The following RBFOX1 variants were observed in gnomAD, a reference collection of about 807,000 sequenced individuals.
The protein encoded by RBFOX1 is RNA binding protein fox-1 homolog 1.
RBFOX1 carries 8 observed loss-of-function variants against 57.7 expected under a neutral mutation model. The ratio of observed to expected loss-of-function variants is 0.14; its 90% confidence interval spans 0.08 to 0.25. The LOEUF is 0.25. RBFOX1 is among the 10% of genes least tolerant of loss of function. The pLI is 1.00. For missense variants in RBFOX1, 611 were observed against 548.5 expected, an observed-to-expected ratio of 1.11 and a Z score of -1.14; for synonymous variants, 326 against 222.4, an observed-to-expected ratio of 1.47 and a Z score of -4.15.
Position 6,019,086 on chromosome 16 carries a change from GACACACACGC to G in RBFOX1, c.-1024_-1015del. On this transcript the variant is annotated 5_prime_UTR_variant, in exon 1 of 16. Coordinates refer to ENST00000550418, the MANE Select transcript of RBFOX1 (RefSeq NM_018723.4). This position sits in a 1 kb window ranked among gnomAD's most constrained non-coding sequence, Gnocchi z 4.2. ...CTTGTCGCGCGCTCACACACACACA[GACACACACGC>G]ACACACACACATGCACACATTTTCT... 1.0e-6 allele frequency: 1 copy of G among 983,818 alleles called. No individual in the cohort carries two copies. The highest frequency in any genetic ancestry group is 1.2e-6 in the Non-Finnish European group (1 of 829,244). 60.9% of individuals were successfully genotyped at this position (983,818 alleles called of 1,614,324 possible). A position where few individuals can be genotyped will look rare whatever the true frequency, so the allele number is the denominator to read the frequency against.
At chr16:6,855,389 C>A (rs71374913) in intron 3 of RBFOX1, among the ~76,000 whole-genome samples, 32,766 of 151,962 alleles carry the variant, frequency 0.22, 3,674 homozygotes, top group East Asian at 0.29. Context: ...CAGTGGCTCA[C>A]GCCTGTAATC....
At chr16:5,656,313 C>G (rs181637809) in intron 3 of RBFOX1, among the ~76,000 whole-genome samples, 10 of 152,222 alleles carry the variant, frequency 6.6e-5, no homozygotes, top group African/African-American at 2.2e-4. Flanking sequence ...AGTGCAGAGG[C>G]GAGCATATCA....
chr16:7,659,868 C>T (rs1449872289), intron 12 of RBFOX1, among the ~76,000 whole-genome samples: 6 of 152,112 alleles, frequency 3.9e-5, no homozygotes, highest in African/African-American at 1.4e-4. Context: ...AAGACATTTT[C>T]ACAGATGCCT....
At chr16:6,972,816 T>A (rs181215948) in intron 3 of RBFOX1, among the ~76,000 whole-genome samples, 11 of 152,164 alleles carry the variant, frequency 7.2e-5, no homozygotes, top group Admixed American at 6.6e-4. Flanking sequence ...AAATTCATAT[T>A]TTTTTCAATA....
intron 2 of RBFOX1, among the ~76,000 whole-genome samples, chr16:6,539,150 G>GGTA (rs1555533576): frequency 1.1e-4 from 16 of 151,798 alleles, no homozygotes; most frequent in Admixed American, 5.9e-4. Flanking sequence ...ATTTGCCCAT[G>GGTA]GTATGACTGT....
intron 3 of RBFOX1, among the ~76,000 whole-genome samples, chr16:7,027,078 A>G (rs2041182391): frequency 6.6e-6 from 1 of 152,106 alleles, no homozygotes; most frequent in African/African-American, 2.4e-5. Context: ...GTCTGGTAGG[A>G]GAGGGGAGGC....
chr16:5,291,288 A>C (rs1596412747), intron 1 of RBFOX1, among the ~76,000 whole-genome samples: 1 of 104,132 alleles, frequency 9.6e-6, no homozygotes, highest in South Asian at 3.2e-4. Context: ...TTTGAGACGG[A>C]GTCTCACTCT....
At chr16:7,210,390 C>G (rs1298838894) in intron 4 of RBFOX1, among the ~76,000 whole-genome samples, 2 of 152,138 alleles carry the variant, frequency 1.3e-5, no homozygotes, top group East Asian at 1.9e-4. Context: ...CGGTGTGGTC[C>G]TTCCTCACAG....
intron 5 of RBFOX1, among the ~76,000 whole-genome samples, chr16:7,540,866 C>G (rs1269290124): frequency 1.3e-5 from 2 of 152,162 alleles, no homozygotes; most frequent in African/African-American, 2.4e-5. Flanking sequence ...TCCTTAAACC[C>G]TAAACTCCTC....
At chr16:7,683,841 TA>T (rs5815422) in intron 14 of RBFOX1, among the ~76,000 whole-genome samples, 8 of 151,090 alleles carry the variant, frequency 5.3e-5, no homozygotes, top group Non-Finnish European at 8.9e-5. Context: ...TTTCTATTGC[TA>T]AAAAAAAACC....
intron 3 of RBFOX1, among the ~76,000 whole-genome samples, chr16:7,030,514 C>A (rs2042514661): frequency 6.6e-6 from 1 of 152,146 alleles, no homozygotes; most frequent in African/African-American, 2.4e-5. Context: ...TCCAGGCGTT[C>A]CTTGGTTTGT....
chr16:5,859,026 G>A (rs990870892), intron 3 of RBFOX1, among the ~76,000 whole-genome samples: 9 of 152,178 alleles, frequency 5.9e-5, no homozygotes, highest in Non-Finnish European at 1.2e-4. Context: ...CCTGCATGGT[G>A]AAACCCCATC....
At chr16:5,728,136 C>A (rs1039324418) in intron 3 of RBFOX1, among the ~76,000 whole-genome samples, 3 of 152,218 alleles carry the variant, frequency 2.0e-5, no homozygotes, top group African/African-American at 7.2e-5. Context: ...ATCACAATCT[C>A]AAAGAGATAT....
chr16:6,919,426 C>G (rs533694671), intron 3 of RBFOX1, among the ~76,000 whole-genome samples: 16 of 147,534 alleles, frequency 1.1e-4, no homozygotes, highest in African/African-American at 3.0e-4. Flanking sequence ...TAAAATAAAG[C>G]TCCCCCAAAC....
chr16:7,332,778 C>T, intron 4 of RBFOX1: 2 of 1,383,110 alleles, frequency 1.4e-6, no homozygotes, highest in African/African-American at 1.5e-5. Context: ...TTCAACTTTG[C>T]AGCTGCTGTG....
chr16:7,171,193 G>C (rs1268653397), intron 4 of RBFOX1, among the ~76,000 whole-genome samples: 4 of 152,150 alleles, frequency 2.6e-5, no homozygotes, highest in Non-Finnish European at 5.9e-5. Flanking sequence ...ACAAATCACA[G>C]GCACCCAGTA....
At chr16:7,335,427 T>C (rs1414022445) in intron 4 of RBFOX1, among the ~76,000 whole-genome samples, 3 of 152,156 alleles carry the variant, frequency 2.0e-5, no homozygotes, top group African/African-American at 7.2e-5. Flanking sequence ...GTTCATAGTG[T>C]CCACTTGGAA....
At chr16:7,196,165 T>A (rs2086648196) in intron 4 of RBFOX1, among the ~76,000 whole-genome samples, 1 of 152,206 alleles carries the variant, frequency 6.6e-6, no homozygotes, top group Non-Finnish European at 1.5e-5. Flanking sequence ...CTTGGCCCAA[T>A]AATTTTGAAG....
chr16:7,196,270 C>G (rs776443293), intron 4 of RBFOX1, among the ~76,000 whole-genome samples: 1 of 152,082 alleles, frequency 6.6e-6, no homozygotes, highest in African/African-American at 2.4e-5. Flanking sequence ...ATGTAATGTT[C>G]TTGTTATCGA....
Sources: gnomAD v4.1 joint callset for allele counts (sites outside exome capture counted in the v4.1 genomes callset) on GRCh38, gnomAD v4.1.1 for gene constraint, Gnocchi (gnomAD v3.1) non-coding constraint, MANE v1.5 for transcripts, NCBI Gene and HGNC (gene_info 2026-07-23, HGNC 2026-07-21) for gene names.